The following RELN variants were observed in gnomAD, a reference collection of about 807,000 sequenced individuals.
RELN encodes reelin.
A neutral mutation model predicts 427.6 loss-of-function variants in RELN; 108 were observed. The ratio of observed to expected loss-of-function variants is 0.25; its 90% confidence interval spans 0.22 to 0.30. RELN has a LOEUF of 0.30. RELN is among the 10% of genes least tolerant of loss of function. The pLI is 1.00. For missense variants in RELN, 3,715 were observed against 4,302.8 expected, an observed-to-expected ratio of 0.86 and a Z score of 3.82; for synonymous variants, 1,524 against 1,513.4, an observed-to-expected ratio of 1.01 and a Z score of -0.16.
chr7:103,825,332 T>TA (rs748229084), intron 3 of RELN, among the ~76,000 whole-genome samples: 17 of 152,076 alleles, frequency 1.1e-4, no homozygotes, highest in Non-Finnish European at 2.4e-4. Flanking sequence ...AGAGCAGCAC[T>TA]AAGTCCTGGG....
intron 3 of RELN, among the ~76,000 whole-genome samples, chr7:103,781,414 G>A (rs10255733): frequency 0.31 from 46,576 of 151,946 alleles, 7,215 homozygotes; most frequent in East Asian, 0.44. Context: ...GTCTCTAGAG[G>A]TTGGGTCCTC....
intron 3 of RELN, 95 bp downstream of exon 3, chr7:103,833,442 A>G (rs1793323121): frequency 1.6e-6 from 2 of 1,224,148 alleles, no homozygotes; most frequent in Admixed American, 1.7e-5. Flanking sequence ...AAACCTGTCA[A>G]AATAAAACAC....
At position 103,508,729 on chromosome 7, in the gene RELN, T is replaced by A. The variant is rs1829299517; in HGVS notation, c.8274+2122A>T. On this transcript the variant is annotated intron_variant, in intron 51 of 64. Coordinates refer to ENST00000428762, the MANE Select transcript of RELN (RefSeq NM_005045.4). The stretch of plus-strand genomic sequence containing the variant: ...AAGTCAAATTGTCTCTGTTTGCAGA[T>A]GACATGATTGTGTATTTAGAAAACC... Among the ~76,000 whole-genome samples, 4 of 152,208 alleles carry A rather than the reference T, an allele frequency of 2.6e-5. 1 individual carries two copies. The South Asian group carries it at 8.3e-4, about 32-fold the overall frequency.
chr7:103,484,194 A>T (rs1278062929), intron 61 of RELN: 1 of 293,310 alleles, frequency 3.4e-6, no homozygotes, highest in Non-Finnish European at 6.6e-6. Context: ...AATCATCTTT[A>T]TACTAAATTC....
chr7:103,540,592 A>G (rs1030827877), intron 43 of RELN, 137 bp from the exon 44 acceptor site: 4 of 761,472 alleles, frequency 5.3e-6, no homozygotes, highest in African/African-American at 1.7e-5. Context: ...GTCCAAAGCA[A>G]TCACTTCAAA....
chr7:103,936,102 T>TTTTTTC (rs1174461570), intron 1 of RELN, among the ~76,000 whole-genome samples: 3 of 151,722 alleles, frequency 2.0e-5, no homozygotes, highest in South Asian at 2.1e-4. Context: ...TCAATGGCTT[T>TTTTTTC]TTTTTTTTGA....
chr7:103,527,628 T>A (rs1188135146), intron 46 of RELN, among the ~76,000 whole-genome samples: 1 of 152,238 alleles, frequency 6.6e-6, no homozygotes, highest in African/African-American at 2.4e-5. Flanking sequence ...TGGCCCTCTG[T>A]GTTTGAGCAA....
chr7:103,674,894 A>T (rs1365593365), intron 11 of RELN, among the ~76,000 whole-genome samples: 1 of 152,214 alleles, frequency 6.6e-6, no homozygotes, highest in Non-Finnish European at 1.5e-5. Flanking sequence ...TCTCAAAATA[A>T]TAAGATCTAT....
chr7:103,565,261 C>A lies in RELN; in HGVS notation c.5210+17G>T, dbSNP rs775344975. On this transcript the variant is annotated intron_variant, in intron 34 of 64. Transcript: ENST00000428762. ...GGCACCCAAAGTTCTGACATGTAGC[C>A]AAATGACAATTCTCACATGGTGGAG... The A allele has an allele frequency of 7.6e-5, 122 of 1,613,812 alleles. No homozygotes were observed. The highest frequency in any genetic ancestry group is 1.6e-4 in the Middle Eastern group (1 of 6,084).
At chr7:103,614,121 C>G (rs1860687) in intron 20 of RELN, among the ~76,000 whole-genome samples, 1,625 of 152,112 alleles carry the variant, frequency 0.011, 40 homozygotes, top group African/African-American at 0.037. Context: ...AAGAAAGAAA[C>G]AAGATAAAAA....
At position 103,989,273 on chromosome 7, in the gene RELN, G is replaced by A; in HGVS notation, c.84C>T (p.Gly28=). 1 of 1,613,422 alleles carries A rather than the reference G, an allele frequency of 6.2e-7. No homozygotes were observed. Among genetic ancestry groups the A allele is most frequent in the Non-Finnish European group, 8.5e-7 (1 of 1,179,916 alleles). ...GATLRARAAA[G]YYPRFSPFFF... is the part of the protein sequence containing the mutation. ...AGAAGGGCGAAAAGCGGGGGTAATAGCCAGCCGCCGCGCGCGCCCTCAGCG... is the reference window on the plus strand; with the variant it reads ...AGAAGGGCGAAAAGCGGGGGTAATAACCAGCCGCCGCGCGCGCCCTCAGCG... Residue 28 remains glycine (G), a synonymous_variant, in exon 1 of 65, where the codon GGC becomes GGT. Transcript: ENST00000428762. The surrounding 1 kb of genome is among the most constrained non-coding windows in gnomAD (Gnocchi z 4.9).
intron 2 of RELN, among the ~76,000 whole-genome samples, chr7:103,846,053 T>C (rs772632836): frequency 1.5e-4 from 23 of 152,192 alleles, no homozygotes; most frequent in Admixed American, 5.9e-4. Flanking sequence ...TGCCATTGAC[T>C]TTCTCCACAG....
chr7:103,671,899 A>C (rs938626596), intron 11 of RELN, among the ~76,000 whole-genome samples: 2 of 152,198 alleles, frequency 1.3e-5, no homozygotes, highest in African/African-American at 4.8e-5. Flanking sequence ...AACTCACTTA[A>C]TATAATGTTA....
At chr7:103,676,043 C>T (rs1014614911) in intron 11 of RELN, among the ~76,000 whole-genome samples, 10 of 152,120 alleles carry the variant, frequency 6.6e-5, no homozygotes, top group African/African-American at 2.2e-4. Flanking sequence ...CAAATGGGAT[C>T]TAATTAAACT....
At chr7:103,571,095 C>T (rs1038741018) in intron 31 of RELN, among the ~76,000 whole-genome samples, 4 of 152,100 alleles carry the variant, frequency 2.6e-5, no homozygotes, top group African/African-American at 9.7e-5. Flanking sequence ...GTTATTAAAC[C>T]TTTCAGTTAG....
intron 8 of RELN, among the ~76,000 whole-genome samples, chr7:103,717,697 T>A (rs979913122): frequency 2.0e-5 from 3 of 152,236 alleles, no homozygotes; most frequent in South Asian, 2.1e-4. Context: ...AGTCTTATAC[T>A]TAGAGGTGTC....
chr7:103,826,320 A>ATGTGTGTGTGTGTGTGTGTGTGTG (rs71154374), intron 3 of RELN, among the ~76,000 whole-genome samples: 82 of 122,080 alleles, frequency 6.7e-4, no homozygotes, highest in Non-Finnish European at 1.3e-3. Flanking sequence ...GACTAAGACA[A>ATGTGTGTGTGTGTGTGTGTGTGTG]TGTGTGTGTG....
intron 1 of RELN, among the ~76,000 whole-genome samples, chr7:103,925,763 A>C (rs1795717434): frequency 6.6e-6 from 1 of 152,194 alleles, no homozygotes; most frequent in Non-Finnish European, 1.5e-5. Flanking sequence ...AAGTTTTAAC[A>C]ATGTTTTTCT....
At chr7:103,837,031 CTA>C (rs143854427) in intron 2 of RELN, among the ~76,000 whole-genome samples, 3,809 of 152,150 alleles carry the variant, frequency 0.025, 147 homozygotes, top group African/African-American at 0.087. Context: ...AAATATTCTC[CTA>C]TGTTTTCTTT....
Sources: allele counts gnomAD v4.1 joint callset (sites outside exome capture counted in the v4.1 genomes callset), GRCh38; gene constraint gnomAD v4.1.1; non-coding constraint Gnocchi (gnomAD v3.1); transcripts MANE v1.5; gene names NCBI Gene and HGNC (gene_info 2026-07-23, HGNC 2026-07-21).